LSAMP: variants seen among roughly 807,000 people sequenced by gnomAD.
LSAMP encodes limbic system-associated membrane protein.
In LSAMP, 7 loss-of-function variants were observed where a neutral mutation model predicts 38.6. That is an observed-to-expected ratio of 0.18 (90% confidence interval 0.10 to 0.34). The LOEUF is 0.34. LSAMP is among the 10% of genes least tolerant of loss of function. The probability of loss-of-function intolerance (pLI) is 1.00; values close to 1 mark genes in which losing one functional copy is unlikely to be tolerated. For missense variants in LSAMP, 313 were observed against 420.0 expected (o/e 0.75, Z 2.23); for synonymous variants, 154 against 166.8 (o/e 0.92, Z 0.59).
chr3:115,845,263 G>T (rs1338109733), intron 4 of LSAMP, among the ~76,000 whole-genome samples: 3 of 152,174 alleles, frequency 2.0e-5, no homozygotes, highest in Non-Finnish European at 4.4e-5. Context: ...AGCTGCCAGT[G>T]ACTCCATAAT....
At chr3:115,845,961 A>T (rs1406382351) in intron 4 of LSAMP, among the ~76,000 whole-genome samples, 1 of 152,194 alleles carries the variant, frequency 6.6e-6, no homozygotes, top group African/African-American at 2.4e-5. Context: ...TAAATATATG[A>T]ATACTGATAA....
chr3:116,269,765 ATGGTTCT>A (rs1394781130), intron 1 of LSAMP, among the ~76,000 whole-genome samples: 8 of 152,142 alleles, frequency 5.3e-5, no homozygotes, highest in African/African-American at 1.9e-4. Context: ...TGAAAGGCAC[ATGGTTCT>A]TTGTTTGATC....
intron 1 of LSAMP, among the ~76,000 whole-genome samples, chr3:116,418,913 T>C (rs547733846): frequency 6.6e-6 from 1 of 152,296 alleles, no homozygotes; most frequent in African/African-American, 2.4e-5. Context: ...TCCATACCAA[T>C]TCACTACTAG....
intron 2 of LSAMP, among the ~76,000 whole-genome samples, chr3:116,085,989 G>A (rs1009503375): frequency 2.0e-5 from 3 of 152,330 alleles, no homozygotes; most frequent in African/African-American, 7.2e-5. Context: ...GGGTGGAAAA[G>A]TGTACTTCAT....
At chr3:116,213,140 A>AT (rs1429962359) in intron 1 of LSAMP, among the ~76,000 whole-genome samples, 1 of 152,072 alleles carries the variant, frequency 6.6e-6, no homozygotes, top group Non-Finnish European at 1.5e-5. Context: ...TCCATTTTTA[A>AT]TTTTTTGTGA....
intron 1 of LSAMP, among the ~76,000 whole-genome samples, chr3:116,322,359 G>A (rs1284026773): frequency 1.3e-5 from 2 of 152,082 alleles, no homozygotes; most frequent in Non-Finnish European, 2.9e-5. Flanking sequence ...ATGAAAATAG[G>A]CCTGCTTATT....
chr3:115,898,758 G>A (rs568879807), intron 3 of LSAMP, among the ~76,000 whole-genome samples: 2 of 152,060 alleles, frequency 1.3e-5, no homozygotes, highest in Non-Finnish European at 2.9e-5. Context: ...GCTCAAAGAT[G>A]GGGGATGGGG....
intron 3 of LSAMP, among the ~76,000 whole-genome samples, chr3:115,939,268 A>G (rs1009248935): frequency 2.0e-5 from 3 of 152,150 alleles, no homozygotes; most frequent in Non-Finnish European, 4.4e-5. Context: ...ATTTTATAAT[A>G]AAAAGGGGAA....
At chr3:115,998,146 A>T (rs74921086) in intron 3 of LSAMP, among the ~76,000 whole-genome samples, 5,416 of 151,636 alleles carry the variant, frequency 0.036, 291 homozygotes, top group African/African-American at 0.12. Context: ...CAACCACTCA[A>T]CTAGGACACA....
chr3:116,016,740 T>A (rs1225336502), intron 3 of LSAMP, among the ~76,000 whole-genome samples: 1 of 152,222 alleles, frequency 6.6e-6, no homozygotes, highest in Non-Finnish European at 1.5e-5. Flanking sequence ...ACTTTATGTG[T>A]GTACATTGAA....
intron 3 of LSAMP, among the ~76,000 whole-genome samples, chr3:115,948,183 T>C (rs1171005334): frequency 6.6e-6 from 1 of 152,172 alleles, no homozygotes; most frequent in Admixed American, 6.5e-5. Context: ...TCCTCATAAG[T>C]AACAAATCAT....
intron 1 of LSAMP, among the ~76,000 whole-genome samples, chr3:116,349,541 A>G (rs1314619520): frequency 1.3e-5 from 2 of 151,598 alleles, no homozygotes; most frequent in East Asian, 3.9e-4. Flanking sequence ...ACACACTCAC[A>G]TATTCCTTCA....
intron 3 of LSAMP, among the ~76,000 whole-genome samples, chr3:115,983,429 G>A (rs1337236219): frequency 1.3e-5 from 2 of 152,128 alleles, no homozygotes; most frequent in Non-Finnish European, 2.9e-5. Flanking sequence ...GCTGAGGTGA[G>A]AGGATGGCTT....
intron 3 of LSAMP, among the ~76,000 whole-genome samples, chr3:115,909,607 T>G (rs908020461): frequency 3.9e-5 from 6 of 152,228 alleles, no homozygotes; most frequent in Non-Finnish European, 8.8e-5. Flanking sequence ...TATTTCCTCT[T>G]TTTTCTTTTA....
intron 1 of LSAMP, among the ~76,000 whole-genome samples, chr3:116,250,587 C>T (rs886242411): frequency 2.6e-5 from 4 of 151,940 alleles, no homozygotes; most frequent in Admixed American, 6.6e-5. Flanking sequence ...AAATATCAGG[C>T]CTGGTGGCTT....
At chr3:116,271,157 G>T (rs1451212326) in intron 1 of LSAMP, among the ~76,000 whole-genome samples, 1 of 151,910 alleles carries the variant, frequency 6.6e-6, no homozygotes, top group Non-Finnish European at 1.5e-5. Context: ...ATAAAAAACA[G>T]AATTCAGCTA....
chr3:116,352,160 C>A (rs114660320), intron 1 of LSAMP, among the ~76,000 whole-genome samples: 1 of 152,054 alleles, frequency 6.6e-6, no homozygotes, highest in Non-Finnish European at 1.5e-5. Context: ...CATGACTTCT[C>A]TGACGTTTCC....
chr3:116,298,280 A>G (rs932236949), intron 1 of LSAMP, among the ~76,000 whole-genome samples: 1 of 152,202 alleles, frequency 6.6e-6, no homozygotes, highest in African/African-American at 2.4e-5. Flanking sequence ...CAGAAGGGAG[A>G]GACCCTCCTT....
chr3:116,069,939 C>T (rs913741779), intron 2 of LSAMP, among the ~76,000 whole-genome samples: 2 of 151,880 alleles, frequency 1.3e-5, no homozygotes, highest in Non-Finnish European at 2.9e-5. Flanking sequence ...TGGACAAAAT[C>T]GGAAAGGGAA....
Sources: allele counts gnomAD v4.1 joint callset (sites outside exome capture counted in the v4.1 genomes callset), GRCh38; gene constraint gnomAD v4.1.1; transcripts MANE v1.5; gene names NCBI Gene and HGNC (gene_info 2026-07-23, HGNC 2026-07-21).